The following TMEM150C variants were observed in gnomAD, a reference collection of about 807,000 sequenced individuals.
TMEM150C encodes transmembrane protein 150C.
A neutral mutation model predicts 29.9 loss-of-function variants in TMEM150C; 10 were observed. That is an observed-to-expected ratio of 0.33 (90% CI 0.21 to 0.57). The LOEUF is 0.57. Ranked by LOEUF, TMEM150C falls within the 20% of genes least tolerant of loss-of-function variation. The probability of loss-of-function intolerance (pLI) is 0.88; values close to 1 mark genes in which losing one functional copy is unlikely to be tolerated. For synonymous variants in TMEM150C, 101 were observed against 112.5 expected (o/e 0.90, Z 0.64); for missense variants, 251 against 303.6 (o/e 0.83, Z 1.29).
intron 1 of TMEM150C, among the ~76,000 whole-genome samples, chr4:82,547,461 C>T (rs920113921): frequency 6.6e-5 from 10 of 151,956 alleles, no homozygotes; most frequent in Non-Finnish European, 1.0e-4. Flanking sequence ...TGGTGGCACA[C>T]GCCTGTAGTC....
intron 5 of TMEM150C, among the ~76,000 whole-genome samples, chr4:82,499,934 C>CAACT (rs1723684852): frequency 1.3e-5 from 2 of 152,122 alleles, no homozygotes; most frequent in African/African-American, 4.8e-5. Context: ...CGGTAGAACA[C>CAACT]AACTGTCAAT....
At chr4:82,498,833 C>T (rs1312785224) in intron 5 of TMEM150C, among the ~76,000 whole-genome samples, 1 of 152,158 alleles carries the variant, frequency 6.6e-6, no homozygotes, top group Non-Finnish European at 1.5e-5. Flanking sequence ...ATCTTCTGGT[C>T]CCTGCGTTGC....
intron 5 of TMEM150C, among the ~76,000 whole-genome samples, chr4:82,496,503 G>A (rs1027331798): frequency 6.6e-6 from 1 of 152,182 alleles, no homozygotes; most frequent in Admixed American, 6.5e-5. Context: ...ATGTTACTTG[G>A]GTGAGGCAAG....
At position 82,504,586 on chromosome 4, in the gene TMEM150C, C is replaced by T. The variant is rs766702170; in HGVS notation, c.72G>A (p.Leu24=). The change falls in exon 2 of 8, where the codon TTG becomes TTA. Residue 24 remains leucine, a synonymous_variant. Coordinates refer to ENST00000449862, the MANE Select transcript of TMEM150C (RefSeq NM_001080506.3). ...LVFTLFTSAG[L]WIVYFIAVED... ...AATGAGCAAATACTCACACTATCCACAATCCAGCTGAAGTAAACAAAGTAA... is the reference window on the plus strand; with the variant it reads ...AATGAGCAAATACTCACACTATCCATAATCCAGCTGAAGTAAACAAAGTAA... 12 of 1,612,374 alleles carry T rather than the reference C, an allele frequency of 7.4e-6. No individual in the cohort carries two copies. Among genetic ancestry groups the T allele is most frequent in the Non-Finnish European group, 1.0e-5 (12 of 1,178,756 alleles).
At chr4:82,553,738 G>T (rs1386332967) in intron 1 of TMEM150C, among the ~76,000 whole-genome samples, 1 of 152,188 alleles carries the variant, frequency 6.6e-6, no homozygotes, top group Non-Finnish European at 1.5e-5. Context: ...CTACATTTAT[G>T]ATTCTGTAAG....
chr4:82,492,285 T>A (rs1723380102), intron 6 of TMEM150C, among the ~76,000 whole-genome samples: 1 of 151,868 alleles, frequency 6.6e-6, no homozygotes, highest in African/African-American at 2.4e-5. Flanking sequence ...TATGCCCCCA[T>A]GCCCAGCTAA....
chr4:82,509,800 AT>A (rs1460193407), intron 1 of TMEM150C: 1 of 151,922 alleles, frequency 6.6e-6, no homozygotes, highest in African/African-American at 2.4e-5. Context: ...TTCTCAAAAA[AT>A]AAACAAACAA....
chr4:82,495,009 G>T, intron 6 of TMEM150C: 3 of 894,774 alleles, frequency 3.4e-6, no homozygotes, highest in Non-Finnish European at 5.2e-6. Context: ...CTTCTTCAGA[G>T]CAATAGGCTG....
At chr4:82,553,096 A>G (rs1322246451) in intron 1 of TMEM150C, among the ~76,000 whole-genome samples, 1 of 152,214 alleles carries the variant, frequency 6.6e-6, no homozygotes, top group Admixed American at 6.5e-5. Context: ...TTTATGGGCC[A>G]CCTGGTCTCT....
At chr4:82,503,812 T>C (rs1188455984) in intron 2 of TMEM150C, among the ~76,000 whole-genome samples, 1 of 151,616 alleles carries the variant, frequency 6.6e-6, no homozygotes, top group Non-Finnish European at 1.5e-5. Context: ...ATCATGCCAC[T>C]GCACTTCAGC....
At chr4:82,542,953 T>C (rs953806965) in intron 1 of TMEM150C, among the ~76,000 whole-genome samples, 2 of 152,250 alleles carry the variant, frequency 1.3e-5, no homozygotes, top group South Asian at 2.1e-4. Flanking sequence ...TTTATGTGAA[T>C]AGCACTTTGC....
At chr4:82,548,723 T>G (rs116096022) in intron 1 of TMEM150C, among the ~76,000 whole-genome samples, 1,809 of 152,286 alleles carry the variant, frequency 0.012, 38 homozygotes, top group African/African-American at 0.041. Flanking sequence ...GAGAGGAAAC[T>G]AACCCAGCAC....
chr4:82,502,747 A>G lies in TMEM150C; in HGVS notation c.215T>C (p.Met72Thr), dbSNP rs1228582421. 6.2e-7 allele frequency: 1 copy of G among 1,610,204 alleles called. No individual in the cohort carries two copies. The highest frequency in any genetic ancestry group is 2.2e-5 in the East Asian group (1 of 44,844). ...CTTACCTAGGAAGGCTGCCATGTTC[A>G]TAACTTGACTAAACACACAGCTTGC... ...PPASCVFSQV[M>T]NMAAFLALVV... The change falls in exon 5 of 8, where the codon ATG becomes ACG. Residue 72 changes from methionine to threonine, a missense_variant. Met to Thr is a moderately conservative substitution (Grantham distance 81). Transcript: ENST00000449862.
intron 7 of TMEM150C, 52 bp from the exon 8 acceptor site, chr4:82,485,771 A>C: frequency 8.0e-6 from 12 of 1,503,426 alleles, no homozygotes; most frequent in Non-Finnish European, 1.1e-5. Flanking sequence ...TTAAAACTGG[A>C]ATCTTTTCAG....
intron 1 of TMEM150C, among the ~76,000 whole-genome samples, chr4:82,518,168 T>C (rs1724355843): frequency 6.6e-6 from 1 of 151,816 alleles, no homozygotes; most frequent in Non-Finnish European, 1.5e-5. Flanking sequence ...CTACAAAAAT[T>C]AGGCAGGCAT....
rs182487968 is a variant in TMEM150C at position 82,489,099 on chromosome 4, C to A, written c.541+962G>T. 3.1e-3 allele frequency among the ~76,000 whole-genome samples: 463 copies of A among 148,466 alleles called. 3 individuals are homozygous for A. Among genetic ancestry groups the A allele is most frequent in the African/African-American group, 0.011 (444 of 40,092 alleles). ...TTTTTTTTTGTAGAGACAGGGTCTC[C>A]CTTTGTTGTCCAGGTGGATCTTGAG... is the stretch of plus-strand genomic sequence containing the variant. On this transcript the variant is annotated intron_variant, in intron 7 of 7. Coordinates refer to ENST00000449862, the MANE Select transcript of TMEM150C (RefSeq NM_001080506.3).
chr4:82,507,718 T>C (rs1677370036), intron 1 of TMEM150C, among the ~76,000 whole-genome samples: 3 of 81,522 alleles, frequency 3.7e-5, no homozygotes, highest in Non-Finnish European at 6.3e-5. Flanking sequence ...TAACTCTCTC[T>C]CTCTCTCTCT....
chr4:82,540,760 T>C (rs903507648), intron 1 of TMEM150C, among the ~76,000 whole-genome samples: 1 of 152,238 alleles, frequency 6.6e-6, no homozygotes, highest in Non-Finnish European at 1.5e-5. Flanking sequence ...TTTTGATATA[T>C]GTATGTACTG....
At chr4:82,537,159 A>G (rs1725038626) in intron 1 of TMEM150C, among the ~76,000 whole-genome samples, 2 of 151,560 alleles carry the variant, frequency 1.3e-5, no homozygotes, top group South Asian at 4.2e-4. Context: ...TTTTTTTTGT[A>G]TTTTTTTAGT....
Sources: allele counts gnomAD v4.1 joint callset (sites outside exome capture counted in the v4.1 genomes callset), GRCh38; gene constraint gnomAD v4.1.1; transcripts MANE v1.5; gene names NCBI Gene and HGNC (gene_info 2026-07-23, HGNC 2026-07-21).